The following EIF2AK3 variants were observed in gnomAD, a reference collection of about 807,000 sequenced individuals.
The protein encoded by EIF2AK3 is eukaryotic translation initiation factor 2-alpha kinase 3.
A neutral mutation model predicts 113.5 loss-of-function variants in EIF2AK3; 50 were observed. That is an observed-to-expected ratio of 0.44 (90% CI 0.35 to 0.56). EIF2AK3 has a LOEUF of 0.56. Ranked by LOEUF, EIF2AK3 falls within the 20% of genes least tolerant of loss-of-function variation. The pLI, the probability that EIF2AK3 is intolerant of heterozygous loss-of-function variation, is 0.00. For missense variants in EIF2AK3, 1,185 were observed against 1,378.0 expected, an observed-to-expected ratio of 0.86 and a Z score of 2.22; for synonymous variants, 448 against 495.4, an observed-to-expected ratio of 0.90 and a Z score of 1.27.
intron 2 of EIF2AK3, among the ~76,000 whole-genome samples, chr2:88,609,368 G>A (rs1242472540): frequency 1.3e-5 from 2 of 152,202 alleles, no homozygotes; most frequent in Non-Finnish European, 2.9e-5. Flanking sequence ...TAAAAGCAAT[G>A]CTGACTAAAA....
chr2:88,560,221 C>G (rs1673912750), intron 15 of EIF2AK3, among the ~76,000 whole-genome samples: 1 of 152,096 alleles, frequency 6.6e-6, no homozygotes, highest in Non-Finnish European at 1.5e-5. Context: ...CGATGTTGAG[C>G]ATCTTTTCAC....
rs112158228 is a variant in EIF2AK3, at chr2:88,573,110, C to CTT, written c.2817+1554_2817+1555dup. Among the ~76,000 whole-genome samples the CTT allele has an allele frequency of 3.1e-3, 402 of 128,334 alleles. 3 individuals are homozygous for CTT. Among genetic ancestry groups the CTT allele is most frequent in the African/African-American group, 9.6e-3 (352 of 36,598 alleles). The allele number at this position is 128,334 out of a possible 152,430, so 84.2% of individuals were successfully genotyped here. A position where few individuals can be genotyped will look rare whatever the true frequency, so the allele number is the denominator to read the frequency against. On this transcript the variant is annotated intron_variant, in intron 13 of 16. Transcript: ENST00000303236. ...TTTCACCCAGGAACAAAAATCTTGG[C>CTT]TTTTTTTTTTTTTTTGGTTGGGGGT... is the stretch of plus-strand genomic sequence containing the variant.
intron 1 of EIF2AK3, among the ~76,000 whole-genome samples, chr2:88,623,805 A>G (rs1048555204): frequency 6.6e-6 from 1 of 152,170 alleles, no homozygotes; most frequent in African/African-American, 2.4e-5. Context: ...TCTTAAGTCC[A>G]CACTACAAGG....
At chr2:88,613,395 T>C (rs1296913309) in intron 2 of EIF2AK3, among the ~76,000 whole-genome samples, 1 of 152,222 alleles carries the variant, frequency 6.6e-6, no homozygotes, top group African/African-American at 2.4e-5. Flanking sequence ...TTTATCTTAT[T>C]ATTCCTAGAG....
Position 88,617,058 on chromosome 2 carries a change from T to C in EIF2AK3, c.309-3205A>G, listed in dbSNP as rs1337898188. ...CACCGGAGCAATAAAGATTTGCTAC[T>C]ATACCTAATCACAGTCTAAGAAAGA... On this transcript the variant is annotated intron_variant, in intron 1 of 16. Coordinates refer to ENST00000303236, the MANE Select transcript of EIF2AK3 (RefSeq NM_004836.7). Among the ~76,000 whole-genome samples the C allele has an allele frequency of 1.3e-5, 2 of 152,224 alleles. 1 individual carries two copies. Among genetic ancestry groups the C allele is most frequent in the South Asian group, 4.1e-4 (2 of 4,832 alleles).
Position 88,576,688 on chromosome 2 carries a change from T to C in EIF2AK3, c.1902A>G (p.Glu634=). ...AGGCTTTAACTTCTCGCATTACCTT[T>C]TCCCGAGCCAATTCCCTGAAAGAGA... ...IRLPNRELAR[E]KVMREVKALA... Residue 634 remains glutamate, a synonymous_variant, in exon 12 of 17, where the codon GAA becomes GAG. Transcript: ENST00000303236. 6.2e-7 allele frequency: 1 copy of C among 1,614,146 alleles called. No homozygotes were observed. Among genetic ancestry groups the C allele is most frequent in the Non-Finnish European group, 8.5e-7 (1 of 1,180,004 alleles).
At chr2:88,594,670 G>A (rs1295131757) in intron 3 of EIF2AK3, among the ~76,000 whole-genome samples, 1 of 152,032 alleles carries the variant, frequency 6.6e-6, no homozygotes, top group African/African-American at 2.4e-5. Flanking sequence ...GGAAGTTTCT[G>A]AACCTTTTAA....
intron 10 of EIF2AK3, among the ~76,000 whole-genome samples, chr2:88,581,213 T>TAA (rs201636966): frequency 5.3e-5 from 7 of 131,146 alleles, no homozygotes; most frequent in African/African-American, 8.5e-5. Context: ...ACTCCCATAT[T>TAA]AAAAAAAAAA....
Position 88,590,588 on chromosome 2 carries a change from T to C in EIF2AK3, c.1020A>G (p.Ala340=), listed in dbSNP as rs1674861806. 1 of 1,612,858 alleles carries C rather than the reference T, an allele frequency of 6.2e-7. No individual in the cohort carries two copies. Among genetic ancestry groups the C allele is most frequent in the Admixed American group, 1.7e-5 (1 of 59,986 alleles). Residue 340 remains alanine, a synonymous_variant, in exon 6 of 17, where the codon GCA becomes GCG. Coordinates refer to ENST00000303236, the MANE Select transcript of EIF2AK3 (RefSeq NM_004836.7). ...EWEYQFCTPI[A]SAWLLKDGKV... is the part of the protein sequence containing the mutation. Reference sequence around the variant, plus strand: ...TCCCATCCTTAAGTAACCAGGCAGATGCAATTGGAGTACAAAACTAAACAA... The same window carrying C: ...TCCCATCCTTAAGTAACCAGGCAGACGCAATTGGAGTACAAAACTAAACAA...
intron 2 of EIF2AK3, among the ~76,000 whole-genome samples, chr2:88,601,759 A>G (rs1675152686): frequency 1.3e-5 from 2 of 149,976 alleles, no homozygotes. Flanking sequence ...TTGATGGCCT[A>G]CTATTTCAAT....
Position 88,557,812 on chromosome 2 carries a change from G to A in EIF2AK3, c.3275C>T (p.Ser1092Phe), listed in dbSNP as rs1279814645. The stretch of plus-strand genomic sequence containing the variant: ...TGTTCCCGATGAACTCAAGGAGCGA[G>A]ACCTCTGTCTGAGCACTGTTTTTCC... ...FPGKTVLRQR[S>F]RSLSSSGTKH... is the part of the protein sequence containing the mutation. Residue 1092 changes from serine to phenylalanine, a missense_variant, in exon 17 of 17, where the codon TCT (serine) becomes TTT (phenylalanine). By Grantham distance (155) the Ser-to-Phe change is radical. Transcript: ENST00000303236. The A allele has an allele frequency of 1.2e-6, 2 of 1,614,046 alleles. No individual in the cohort carries two copies. Among genetic ancestry groups the A allele is most frequent in the Non-Finnish European group, 1.7e-6 (2 of 1,180,024 alleles).
intron 4 of EIF2AK3, 46 bp from the exon 5 acceptor site, chr2:88,591,098 G>A (rs1674878906): frequency 6.5e-7 from 1 of 1,538,606 alleles, no homozygotes. Flanking sequence ...TTTAAAGAAA[G>A]GGACAAAATA....
At chr2:88,588,368 A>G (rs1344125536) in intron 7 of EIF2AK3, among the ~76,000 whole-genome samples, 1 of 152,194 alleles carries the variant, frequency 6.6e-6, no homozygotes, top group African/African-American at 2.4e-5. Flanking sequence ...AGATAATGAA[A>G]GAAGTAGGTG....
intron 15 of EIF2AK3, among the ~76,000 whole-genome samples, chr2:88,561,927 A>C (rs1274863189): frequency 1.3e-5 from 2 of 152,208 alleles, no homozygotes; most frequent in African/African-American, 2.4e-5. Flanking sequence ...TTGAGAGGAA[A>C]GAAACCTAAT....
intron 1 of EIF2AK3, among the ~76,000 whole-genome samples, chr2:88,621,023 C>T (rs371264226): frequency 1.6e-4 from 25 of 152,312 alleles, no homozygotes; most frequent in African/African-American, 5.8e-4. Context: ...TAAGGTTATG[C>T]ACCAAATACA....
chr2:88,585,913 A>T lies in EIF2AK3; in HGVS notation c.1578T>A (p.Val526=). 6.2e-7 allele frequency: 1 copy of T among 1,614,150 alleles called. No homozygotes were observed. Among genetic ancestry groups the T allele is most frequent in the South Asian group, 1.1e-5 (1 of 91,082 alleles). ...CTATGATACAAAACAAAATCGTTGC[A>T]ACTATTTCTTTCCACCAGTGTAAAA... ...VLLLHWWKEI[V]ATILFCIIAT... The change falls in exon 9 of 17, where the codon GTT becomes GTA. Residue 526 remains valine (V), a synonymous_variant. Transcript: ENST00000303236.
Position 88,575,153 on chromosome 2 carries a change from T to C in EIF2AK3, c.2330A>G (p.Asp777Gly). Residue 777 changes from aspartate (D) to glycine (G), a missense_variant, in exon 13 of 17, where the codon GAT becomes GGT. Transcript: ENST00000303236. ...TDCDVEDGTM[D>G]GNDEGHSFEL... ...AAAGGAGTGCCCCTCATCATTGCCA[T>C]CCATAGTCCCATCTTCCACATCACA... The C allele has an allele frequency of 1.2e-6, 2 of 1,614,052 alleles. No individual in the cohort carries two copies. The highest frequency in any genetic ancestry group is 1.7e-6 in the Non-Finnish European group (2 of 1,179,934).
At chr2:88,565,443 C>T (rs958928929) in intron 14 of EIF2AK3, among the ~76,000 whole-genome samples, 2 of 151,720 alleles carry the variant, frequency 1.3e-5, no homozygotes, top group Non-Finnish European at 2.9e-5. Context: ...CAGCCTCAAG[C>T]GATCCTTTCT....
chr2:88,566,614 CCA>C, intron 14 of EIF2AK3, among the ~76,000 whole-genome samples: 1 of 152,046 alleles, frequency 6.6e-6, no homozygotes, highest in South Asian at 2.1e-4. Context: ...ACTTATCAAC[CCA>C]TCATCTATTG....
Sources: allele counts gnomAD v4.1 joint callset (sites outside exome capture counted in the v4.1 genomes callset), GRCh38; gene constraint gnomAD v4.1.1; transcripts MANE v1.5; gene names NCBI Gene and HGNC (gene_info 2026-07-23, HGNC 2026-07-21).